INPP4A: variants seen among roughly 807,000 people sequenced by gnomAD.
The protein encoded by INPP4A is inositol polyphosphate-4-phosphatase type I A.
A neutral mutation model predicts 119.8 loss-of-function variants in INPP4A; 33 were observed. The ratio of observed to expected loss-of-function variants is 0.28; its 90% confidence interval spans 0.21 to 0.37. The LOEUF (loss-of-function observed/expected upper bound fraction) is 0.37, where lower values mean the gene tolerates loss of function less well. INPP4A is among the 10% of genes least tolerant of loss of function. INPP4A has a pLI of 1.00. For synonymous variants in INPP4A, 496 were observed against 500.7 expected (o/e 0.99, Z 0.12); for missense variants, 956 against 1,289.9 (o/e 0.74, Z 3.97).
Position 98,533,511 on chromosome 2 carries a change from C to G in INPP4A, c.270+16C>G, listed in dbSNP as rs1689644790. ...GATCATTGAGGTGGGTGCTGGTGGT[C>G]TCTCTCTGAGGGGCTGTGGGACATG... On this transcript the variant is annotated intron_variant, in intron 5 of 24. Transcript: ENST00000409851. 1.3e-6 allele frequency: 2 copies of G among 1,504,726 alleles called. No homozygotes were observed. Among genetic ancestry groups the G allele is most frequent in the East Asian group, 4.5e-5 (2 of 44,360 alleles). The allele number at this position is 1,504,726 out of a possible 1,614,324, so 93.2% of individuals were successfully genotyped here.
At chr2:98,471,751 C>G (rs1230655667) in intron 1 of INPP4A, among the ~76,000 whole-genome samples, 1 of 152,310 alleles carries the variant, frequency 6.6e-6, no homozygotes, top group African/African-American at 2.4e-5. Context: ...GTAAGTTTGC[C>G]GCAGCCCCCT....
chr2:98,591,341 C>T lies in INPP4A; in HGVS notation c.*3733C>T. ...AGTTTCTACCTTCACTCTCATGTCT[C>T]AGGATTATTTTTTCAGCATTTACCT... On this transcript the variant is annotated 3_prime_UTR_variant, in exon 25 of 25. Coordinates refer to ENST00000409851, the MANE Select transcript of INPP4A (RefSeq NM_001134225.2). 6.5e-6 allele frequency: 1 copy of T among 154,842 alleles called. No individual in the cohort carries two copies. Among genetic ancestry groups the T allele is most frequent in the Non-Finnish European group, 1.4e-5 (1 of 69,626 alleles). 9.6% of individuals were successfully genotyped at this position (154,842 alleles called of 1,614,324 possible).
rs1164520987 is a variant in INPP4A at position 98,475,338 on chromosome 2, G to C, written c.-166+30253G>C. On this transcript the variant is annotated intron_variant, in intron 1 of 24. Coordinates refer to ENST00000409851, the MANE Select transcript of INPP4A (RefSeq NM_001134225.2). ...AGCCACAGAGGGGATTTAAGCCAGGGAGTTATTAGCCCATTAGATTTACAA... is the reference window on the plus strand; with the variant it reads ...AGCCACAGAGGGGATTTAAGCCAGGCAGTTATTAGCCCATTAGATTTACAA... Among the ~76,000 whole-genome samples the C allele has an allele frequency of 2.0e-5, 3 of 152,218 alleles. No homozygotes were observed. In the East Asian group the frequency reaches 5.8e-4, roughly 29 times the overall value.
Position 98,511,826 on chromosome 2 carries a change from C to G in INPP4A, c.-165-7138C>G, listed in dbSNP as rs558476410. On this transcript the variant is annotated intron_variant, in intron 1 of 24. Transcript: ENST00000409851. ...CCTGGGCTCCCCTCCCCCATGCCAC[C>G]AAGCCATATTGCTTCAAGGAACAGG... Among the ~76,000 whole-genome samples the G allele has an allele frequency of 3.3e-5, 5 of 152,326 alleles. No homozygotes were observed. In the South Asian group the frequency reaches 1.0e-3, roughly 32 times the overall value.
At chr2:98,537,410 G>C (rs1196772968) in intron 7 of INPP4A, among the ~76,000 whole-genome samples, 2 of 152,242 alleles carry the variant, frequency 1.3e-5, no homozygotes, top group Admixed American at 1.3e-4. Flanking sequence ...CCATTACTTG[G>C]AGTCCAGGCT....
intron 1 of INPP4A, among the ~76,000 whole-genome samples, chr2:98,451,565 G>A (rs867566823): frequency 2.6e-5 from 4 of 152,014 alleles, no homozygotes; most frequent in African/African-American, 9.7e-5. Context: ...CCCTCTTTTT[G>A]CACCTCACTA....
intron 1 of INPP4A, among the ~76,000 whole-genome samples, chr2:98,460,428 C>T (rs372423390): frequency 4.6e-5 from 7 of 152,034 alleles, no homozygotes; most frequent in Non-Finnish European, 7.4e-5. Flanking sequence ...CCGGGGGGCT[C>T]GAGCCCCTTC....
intron 1 of INPP4A, among the ~76,000 whole-genome samples, chr2:98,477,289 C>T (rs1677437914): frequency 6.6e-6 from 1 of 152,238 alleles, no homozygotes; most frequent in Admixed American, 6.5e-5. Flanking sequence ...CCCCGCCGTC[C>T]CGTCTCCCTG....
In INPP4A at chr2:98,504,258, G is replaced by A. The variant is rs1316331094; in HGVS notation, c.-165-14706G>A. Among the ~76,000 whole-genome samples the A allele has an allele frequency of 3.3e-5, 5 of 152,278 alleles. No individual in the cohort carries two copies. In the East Asian group the frequency reaches 9.7e-4, roughly 29 times the overall value. On this transcript the variant is annotated intron_variant, in intron 1 of 24. Coordinates refer to ENST00000409851, the MANE Select transcript of INPP4A (RefSeq NM_001134225.2). Reference sequence around the variant, plus strand: ...TCCTATATAAACATCAGGACTGCTTGCTGCCCTTTTGATTTGTTTTAATGA... The same window carrying A: ...TCCTATATAAACATCAGGACTGCTTACTGCCCTTTTGATTTGTTTTAATGA...
rs1574500000 is a variant in INPP4A at position 98,460,035 on chromosome 2, T to C, written c.-166+14950T>C. ...TGGCACACAAGCCCTTTTGTCCAGG[T>C]GGCTGGAACCTAGGTCTGCTTCCAC... On this transcript the variant is annotated intron_variant, in intron 1 of 24. Coordinates refer to ENST00000409851, the MANE Select transcript of INPP4A (RefSeq NM_001134225.2). Among the ~76,000 whole-genome samples, 4 of 152,108 alleles carry C rather than the reference T, an allele frequency of 2.6e-5. No homozygotes were observed. In the South Asian group the frequency reaches 8.3e-4, roughly 32 times the overall value.
chr2:98,447,632 T>A (rs1350046672), intron 1 of INPP4A, among the ~76,000 whole-genome samples: 1 of 152,168 alleles, frequency 6.6e-6, no homozygotes, highest in Non-Finnish European at 1.5e-5. Flanking sequence ...ATTCTCCAAA[T>A]GTGGACATTC....
intron 4 of INPP4A, among the ~76,000 whole-genome samples, chr2:98,530,281 C>T (rs2105881942): frequency 6.6e-6 from 1 of 151,902 alleles, no homozygotes; most frequent in African/African-American, 2.4e-5. Flanking sequence ...AGCAGAGGCT[C>T]ACTTATTCCC....
intron 5 of INPP4A, 50 bp from the exon 6 acceptor site, chr2:98,535,679 C>G (rs1184772092): frequency 2.5e-6 from 2 of 795,694 alleles, no homozygotes; most frequent in Non-Finnish European, 4.1e-6. Flanking sequence ...AAAGCAATTA[C>G]ATTTTAAAAA....
chr2:98,536,051 G>T, intron 6 of INPP4A, 78 bp from the exon 7 acceptor site: 1 of 901,420 alleles, frequency 1.1e-6, no homozygotes, highest in Non-Finnish European at 1.8e-6. Context: ...CAGTCAGCTG[G>T]ACTCTCTGGG....
rs543858410 is a variant in INPP4A at position 98,556,961 on chromosome 2, C to T, written c.1822+1153C>T. On this transcript the variant is annotated intron_variant, in intron 16 of 24. Transcript: ENST00000409851. The stretch of plus-strand genomic sequence containing the variant: ...TTCATGTTCTCTTTTTTATGTGAAT[C>T]GTGTTCCTTTTTAAAATTTTCTGAA... 4.6e-5 allele frequency among the ~76,000 whole-genome samples: 7 copies of T among 152,272 alleles called. No homozygotes were observed. In the East Asian group the frequency reaches 1.2e-3, roughly 25 times the overall value.
chr2:98,562,580 A>G (rs1387724886), intron 17 of INPP4A, among the ~76,000 whole-genome samples: 1 of 152,046 alleles, frequency 6.6e-6, no homozygotes, highest in Non-Finnish European at 1.5e-5. Flanking sequence ...ATGACTTCTC[A>G]CCATGTTTGG....
intron 17 of INPP4A, 130 bp downstream of exon 17, chr2:98,559,625 T>A: frequency 1.0e-6 from 1 of 972,866 alleles, no homozygotes; most frequent in African/African-American, 1.6e-5. Flanking sequence ...ACCTCCTTCG[T>A]TGTGAGGCAT....
At chr2:98,486,747 G>A (rs1387729463) in intron 1 of INPP4A, among the ~76,000 whole-genome samples, 1 of 152,286 alleles carries the variant, frequency 6.6e-6, no homozygotes. Flanking sequence ...CCTCTTGGGT[G>A]TCTGATGGTA....
rs1455558377 is a variant in INPP4A at position 98,546,331 on chromosome 2, C to G, written c.1055-255C>G. On this transcript the variant is annotated intron_variant, in intron 12 of 24. Coordinates refer to ENST00000409851, the MANE Select transcript of INPP4A (RefSeq NM_001134225.2). The surrounding 1 kb of genome is among the most constrained non-coding windows in gnomAD (Gnocchi z 4.2). ...CGGCCCTTCTTCCCAAGGAGGGATG[C>G]AAACGGGAGTTACAGGGTGGCTTCC... Among the ~76,000 whole-genome samples the G allele has an allele frequency of 6.6e-6, 1 of 152,232 alleles. No individual in the cohort carries two copies. Among genetic ancestry groups the G allele is most frequent in the African/African-American group, 2.4e-5 (1 of 41,452 alleles).
Sources: allele counts gnomAD v4.1 joint callset (sites outside exome capture counted in the v4.1 genomes callset), GRCh38; gene constraint gnomAD v4.1.1; non-coding constraint Gnocchi (gnomAD v3.1); transcripts MANE v1.5; gene names NCBI Gene and HGNC (gene_info 2026-07-23, HGNC 2026-07-21).